The following GLRA3 variants were observed in gnomAD, a reference collection of about 807,000 sequenced individuals.
The protein encoded by GLRA3 is glycine receptor subunit alpha-3.
Under a neutral mutation model 60.4 loss-of-function variants are expected in GLRA3, and 44 were observed. The ratio of observed to expected loss-of-function variants is 0.73; its 90% CI spans 0.57 to 0.94. The LOEUF (loss-of-function observed/expected upper bound fraction) is 0.94, where lower values mean the gene tolerates loss of function less well. Ranked by LOEUF, GLRA3 falls within the 40% of genes least tolerant of loss-of-function variation. The pLI is 0.00. For synonymous variants in GLRA3, 223 were observed against 192.9 expected (o/e 1.16, Z -1.29); for missense variants, 508 against 564.6 (o/e 0.90, Z 1.02).
chr4:174,771,160 C>A (rs929702399), intron 2 of GLRA3, among the ~76,000 whole-genome samples: 3 of 151,498 alleles, frequency 2.0e-5, no homozygotes, highest in Admixed American at 2.0e-4. Flanking sequence ...TGCAGCACAC[C>A]AACATGGCAC....
At chr4:174,725,631 C>T (rs534334388) in intron 4 of GLRA3, among the ~76,000 whole-genome samples, 242 of 151,512 alleles carry the variant, frequency 1.6e-3, no homozygotes, top group Admixed American at 2.6e-3. Flanking sequence ...CAGGTGAACG[C>T]CACCTTGCCC....
intron 1 of GLRA3, among the ~76,000 whole-genome samples, chr4:174,789,303 A>C (rs185995583): frequency 6.6e-6 from 1 of 152,340 alleles, no homozygotes; most frequent in Admixed American, 6.5e-5. Context: ...AAAACATTAA[A>C]ATTCAACTGT....
intron 3 of GLRA3, among the ~76,000 whole-genome samples, chr4:174,741,462 A>G (rs1258450896): frequency 6.6e-6 from 1 of 152,112 alleles, no homozygotes; most frequent in Admixed American, 6.6e-5. Flanking sequence ...AGAGTTCTTT[A>G]TAACTATTCT....
intron 2 of GLRA3, among the ~76,000 whole-genome samples, chr4:174,786,720 T>C (rs1423906210): frequency 6.6e-6 from 1 of 152,210 alleles, no homozygotes; most frequent in Admixed American, 6.5e-5. Flanking sequence ...AAAGCAAAAG[T>C]GTTAGCTAAA....
rs1732695562 is a variant in GLRA3 at position 174,643,688 on chromosome 4, A to T, written c.*98T>A. Reference sequence around the variant, plus strand: ...CATATGCCATTTTAATACAATGGTCATCATTTGTATACCACACGCACACAT... The same window carrying T: ...CATATGCCATTTTAATACAATGGTCTTCATTTGTATACCACACGCACACAT... On this transcript the variant is annotated 3_prime_UTR_variant, in exon 10 of 10. Transcript: ENST00000274093. 2 of 1,449,436 alleles carry T rather than the reference A, an allele frequency of 1.4e-6. No homozygotes were observed. Among genetic ancestry groups the T allele is most frequent in the South Asian group, 1.7e-5 (1 of 60,352 alleles). 89.8% of individuals were successfully genotyped at this position (1,449,436 alleles called of 1,614,324 possible). A position where few individuals can be genotyped will look rare whatever the true frequency, so the allele number is the denominator to read the frequency against.
chr4:174,798,680 T>C (rs993792990), intron 1 of GLRA3, among the ~76,000 whole-genome samples: 1 of 152,190 alleles, frequency 6.6e-6, no homozygotes, highest in Non-Finnish European at 1.5e-5. Context: ...ATCCCAGCAC[T>C]TTGGGAGGCC....
intron 4 of GLRA3, among the ~76,000 whole-genome samples, chr4:174,717,609 T>C (rs959761249): frequency 6.6e-6 from 1 of 152,156 alleles, no homozygotes; most frequent in Non-Finnish European, 1.5e-5. Flanking sequence ...TTTAAGAGTC[T>C]TAGGAGGATA....
intron 1 of GLRA3, among the ~76,000 whole-genome samples, chr4:174,793,892 A>G (rs530443239): frequency 5.1e-4 from 78 of 152,098 alleles, no homozygotes; most frequent in African/African-American, 1.8e-3. Flanking sequence ...AGAAAAAATA[A>G]AAGACTAAGA....
In GLRA3 at chr4:174,675,614, G is replaced by A. The variant is rs558750526; in HGVS notation, c.927+1464C>T. On this transcript the variant is annotated intron_variant, in intron 7 of 9. Transcript: ENST00000274093. The stretch of plus-strand genomic sequence containing the variant: ...ATTTCCACTATTACCCAGAGCTCTT[G>A]CAACGTTTATCCTTACGTAAATAAG... Among the ~76,000 whole-genome samples the A allele has an allele frequency of 3.3e-5, 5 of 152,156 alleles. No homozygotes were observed. The South Asian group carries it at 8.3e-4, about 25-fold the overall frequency.
intron 2 of GLRA3, among the ~76,000 whole-genome samples, chr4:174,787,161 T>G (rs1418525879): frequency 6.6e-6 from 1 of 152,136 alleles, no homozygotes; most frequent in Non-Finnish European, 1.5e-5. Context: ...AGGCCACTCT[T>G]GTGTGGTTGG....
intron 2 of GLRA3, among the ~76,000 whole-genome samples, chr4:174,769,528 T>G (rs868430569): frequency 6.6e-5 from 10 of 152,114 alleles, no homozygotes; most frequent in African/African-American, 2.4e-4. Context: ...TGATTCAATA[T>G]GTACAGATCC....
intron 5 of GLRA3, among the ~76,000 whole-genome samples, chr4:174,686,571 C>CCAA (rs1166303540): frequency 3.3e-5 from 5 of 152,310 alleles, no homozygotes; most frequent in African/African-American, 1.2e-4. Context: ...AGGAAGATGT[C>CCAA]CTGCTAGGCT....
intron 3 of GLRA3, among the ~76,000 whole-genome samples, chr4:174,751,237 C>A (rs1433742123): frequency 6.6e-6 from 1 of 151,992 alleles, no homozygotes; most frequent in Admixed American, 6.6e-5. Flanking sequence ...GTGTAAATTT[C>A]ACAAAGAATT....
intron 9 of GLRA3, among the ~76,000 whole-genome samples, chr4:174,653,136 A>G (rs984905981): frequency 2.0e-5 from 3 of 152,066 alleles, no homozygotes; most frequent in Non-Finnish European, 2.9e-5. Context: ...GTAAAAAACA[A>G]AGGAAAATTA....
rs1212491173 is a variant in GLRA3 at position 174,828,398 on chromosome 4, CA to C, written c.71+342del. 1.1e-4 allele frequency among the ~76,000 whole-genome samples: 16 copies of C among 151,904 alleles called. No homozygotes were observed. In the East Asian group the frequency reaches 3.1e-3, roughly 29 times the overall value. ...TAAATACTAAATGTTTTGTAACTTTCAAAAAAAGAGTAACACCCAAATTATA... is the reference window on the plus strand; with the variant it reads ...TAAATACTAAATGTTTTGTAACTTTCAAAAAAGAGTAACACCCAAATTATA... On this transcript the variant is annotated intron_variant, in intron 1 of 9. Transcript: ENST00000274093.
chr4:174,811,682 A>G (rs1740282527), intron 1 of GLRA3, among the ~76,000 whole-genome samples: 1 of 152,188 alleles, frequency 6.6e-6, no homozygotes, highest in South Asian at 2.1e-4. Context: ...ATGTCATATG[A>G]CACATATGGT....
intron 3 of GLRA3, among the ~76,000 whole-genome samples, chr4:174,754,032 C>A (rs1294187799): frequency 6.6e-6 from 1 of 151,858 alleles, no homozygotes; most frequent in Non-Finnish European, 1.5e-5. Flanking sequence ...TGGAAATGTG[C>A]CTTTTAACAT....
At chr4:174,677,445 C>T (rs924291478) in intron 6 of GLRA3, among the ~76,000 whole-genome samples, 153 bp from the exon 7 acceptor site, 6 of 151,996 alleles carry the variant, frequency 3.9e-5, no homozygotes, top group East Asian at 3.9e-4. Context: ...CTGTAGCCTG[C>T]GCCTCCTGGA....
chr4:174,764,551 C>A (rs115218411), intron 3 of GLRA3, among the ~76,000 whole-genome samples: 1 of 76,004 alleles, frequency 1.3e-5, no homozygotes. Context: ...CGACAGACTC[C>A]GTCTCAAAAA....
Sources: allele counts gnomAD v4.1 joint callset (sites outside exome capture counted in the v4.1 genomes callset), GRCh38; gene constraint gnomAD v4.1.1; transcripts MANE v1.5; gene names NCBI Gene and HGNC (gene_info 2026-07-23, HGNC 2026-07-21).